KIF1B: variants seen among roughly 807,000 people sequenced by gnomAD.
The protein encoded by KIF1B is kinesin-like protein KIF1B.
KIF1B carries 76 observed loss-of-function variants against 241.9 expected under a neutral mutation model. The ratio of observed to expected loss-of-function variants is 0.31; its 90% CI spans 0.26 to 0.38. The LOEUF is 0.38. Among genes scored for constraint, KIF1B ranks in the 10% least tolerant of loss-of-function variants. The pLI, the probability that KIF1B is intolerant of heterozygous loss-of-function variation, is 1.00. For missense variants in KIF1B, 1,622 were observed against 2,271.4 expected (o/e 0.71, Z 5.81); for synonymous variants, 750 against 796.7 (o/e 0.94, Z 0.99).
chr1:10,364,020 T>A (rs974869341), intron 41 of KIF1B, among the ~76,000 whole-genome samples: 7 of 152,168 alleles, frequency 4.6e-5, no homozygotes, highest in African/African-American at 7.2e-5. Context: ...GGAATTTTTT[T>A]AATTAATATA....
chr1:10,363,222 T>C lies in KIF1B; in HGVS notation c.4305-61T>C, dbSNP rs1638471712. On this transcript the variant is annotated intron_variant, in intron 40 of 48. Transcript: ENST00000676179. Reference sequence around the variant, plus strand: ...AGACACTATTTTAAGTAGCAGAAATTGAAATTTTCCTGTTTTTGTGCTTTA... The same window carrying C: ...AGACACTATTTTAAGTAGCAGAAATCGAAATTTTCCTGTTTTTGTGCTTTA... 3.8e-5 allele frequency: 49 copies of C among 1,295,166 alleles called. No homozygotes were observed. In the South Asian group the frequency reaches 5.4e-4, roughly 14 times the overall value. The allele number at this position is 1,295,166 out of a possible 1,614,324, so 80.2% of individuals were successfully genotyped here. A position where few individuals can be genotyped will look rare whatever the true frequency, so the allele number is the denominator to read the frequency against.
chr1:10,329,662 G>T (rs528884627), intron 27 of KIF1B, among the ~76,000 whole-genome samples: 1 of 152,168 alleles, frequency 6.6e-6, no homozygotes, highest in African/African-American at 2.4e-5. Context: ...GAACCCGGGA[G>T]GGGGAGGTTG....
At chr1:10,304,974 C>T (rs1650756293) in intron 22 of KIF1B, 1 of 1,145,062 alleles carries the variant, frequency 8.7e-7, no homozygotes, top group South Asian at 3.0e-5. Context: ...TTTTATAATG[C>T]CTATAAATTA....
At chr1:10,306,061 GC>G in intron 22 of KIF1B, 1 of 1,046,066 alleles carries the variant, frequency 9.6e-7, no homozygotes, top group Non-Finnish European at 1.2e-6. Context: ...TGGGCACTAT[GC>G]TTTATTAGAA....
At chr1:10,241,176 A>G (rs1647131885) in intron 2 of KIF1B, among the ~76,000 whole-genome samples, 1 of 152,104 alleles carries the variant, frequency 6.6e-6, no homozygotes. Context: ...CAGTGGCACA[A>G]TCATGACCCA....
Position 10,276,363 on chromosome 1 carries a change from C to T in KIF1B, c.1001C>T (p.Ala334Val). The change falls in exon 12 of 49, where the codon GCG becomes GTG. Residue 334 changes from alanine (A) to valine (V), a missense_variant. Coordinates refer to ENST00000676179, the MANE Select transcript of KIF1B (RefSeq NM_001365951.3). Reference sequence around the variant, plus strand: ...GCAATGGTTGCTGCTCTGAGCCCCGCGGATATCAACTACGATGAGACTTTG... The same window carrying T: ...GCAATGGTTGCTGCTCTGAGCCCCGTGGATATCAACTACGATGAGACTTTG... ...RTAMVAALSPADINYDETLST... is the reference protein window; with the variant it reads ...RTAMVAALSPVDINYDETLST... 6.2e-7 allele frequency: 1 copy of T among 1,613,828 alleles called. No individual in the cohort carries two copies. The highest frequency in any genetic ancestry group is 8.5e-7 in the Non-Finnish European group (1 of 1,179,832).
At chr1:10,254,748 G>A (rs1461202794) in intron 2 of KIF1B, among the ~76,000 whole-genome samples, 1 of 151,696 alleles carries the variant, frequency 6.6e-6, no homozygotes, top group East Asian at 1.9e-4. Flanking sequence ...GTGGTGGCGG[G>A]CGCCTGTAGT....
At chr1:10,279,437 A>G (rs1649290758) in intron 14 of KIF1B, among the ~76,000 whole-genome samples, 1 of 152,214 alleles carries the variant, frequency 6.6e-6, no homozygotes, top group Non-Finnish European at 1.5e-5. Flanking sequence ...GATGATAGCA[A>G]CTGACACTTA....
intron 1 of KIF1B, among the ~76,000 whole-genome samples, chr1:10,230,224 T>C (rs1292676772): frequency 3.3e-5 from 5 of 152,110 alleles, no homozygotes; most frequent in Non-Finnish European, 2.9e-5. Flanking sequence ...CGGGAACACA[T>C]CGGTTATGGT....
intron 5 of KIF1B, among the ~76,000 whole-genome samples, chr1:10,266,982 A>G (rs556225658): frequency 3.5e-4 from 53 of 151,816 alleles, no homozygotes; most frequent in African/African-American, 1.3e-3. Flanking sequence ...TTTTTTCTGT[A>G]TGTGATTTCT....
At chr1:10,311,798 G>C (rs905761109) in intron 22 of KIF1B, among the ~76,000 whole-genome samples, 8 of 151,194 alleles carry the variant, frequency 5.3e-5, no homozygotes, top group Non-Finnish European at 1.2e-4. Context: ...ATTTCTATAT[G>C]TTTCTCTGTT....
intron 38 of KIF1B, among the ~76,000 whole-genome samples, chr1:10,355,088 C>T (rs1652927873): frequency 6.6e-6 from 1 of 152,150 alleles, no homozygotes; most frequent in Admixed American, 6.5e-5. Context: ...ATTCTCAATA[C>T]TAAGTCACCA....
intron 1 of KIF1B, among the ~76,000 whole-genome samples, chr1:10,218,413 A>G (rs1474821009): frequency 6.7e-6 from 1 of 149,208 alleles, no homozygotes; most frequent in Non-Finnish European, 1.5e-5. Context: ...TTCAACATAA[A>G]TCTTTGTGCA....
rs749686737 is a variant in KIF1B at position 10,368,523 on chromosome 1, C to T, written c.4809C>T (p.Ser1603=). ...FNREFSQVHG[S]VSDCKLSDIS... The stretch of plus-strand genomic sequence containing the variant: ...GAGAATTCAGCCAGGTGCACGGCAG[C>T]GTCAGTGACTGTAAGGTGAGCACAT... The change falls in exon 44 of 49, where the codon AGC becomes AGT. Residue 1603 remains serine (S), a synonymous_variant. Transcript: ENST00000676179. 2.2e-5 allele frequency: 36 copies of T among 1,613,588 alleles called. No individual in the cohort carries two copies. The highest frequency in any genetic ancestry group is 1.8e-5 in the Non-Finnish European group (21 of 1,179,638).
intron 22 of KIF1B, among the ~76,000 whole-genome samples, chr1:10,310,241 A>G (rs1651009555): frequency 1.3e-5 from 2 of 151,512 alleles, no homozygotes; most frequent in African/African-American, 2.5e-5. Flanking sequence ...AACACAGACT[A>G]TTGGGCCCAC....
At chr1:10,305,212 G>A in intron 22 of KIF1B, 1 of 1,044,588 alleles carries the variant, frequency 9.6e-7, no homozygotes, top group Non-Finnish European at 1.2e-6. Context: ...AACATATCTT[G>A]CAATACATAG....
chr1:10,338,586 T>G lies in KIF1B; in HGVS notation c.3422+1053T>G, dbSNP rs77459179. 1.3e-3 allele frequency among the ~76,000 whole-genome samples: 205 copies of G among 152,388 alleles called. 2 individuals are homozygous for G. The East Asian group carries it at 0.023, about 17-fold the overall frequency. ...GATACGTTTTATGGAAAACATCTATTTGGTTAACTGATGTCTGAAGTGACA... is the reference window on the plus strand; with the variant it reads ...GATACGTTTTATGGAAAACATCTATGTGGTTAACTGATGTCTGAAGTGACA... On this transcript the variant is annotated intron_variant, in intron 31 of 48. Transcript: ENST00000676179.
chr1:10,374,304 T>C lies in KIF1B; in HGVS notation c.4947-12T>C, dbSNP rs773989517. The C allele has an allele frequency of 2.5e-6, 4 of 1,613,100 alleles. No individual in the cohort carries two copies. The African/African-American group carries it at 5.3e-5, about 22-fold the overall frequency. On this transcript the variant is annotated splice_polypyrimidine_tract_variant and intron_variant, in intron 45 of 48. Coordinates refer to ENST00000676179, the MANE Select transcript of KIF1B (RefSeq NM_001365951.3). This position sits in a 1 kb window ranked among gnomAD's most constrained non-coding sequence, Gnocchi z 4.3. ...TTGTTACCCTTTTCTTTCTAATCTC[T>C]CTATTTTAAAGGACCCCAGAAGCCA...
At chr1:10,304,844 T>C in intron 22 of KIF1B, 5 of 1,423,002 alleles carry the variant, frequency 3.5e-6, no homozygotes, top group Non-Finnish European at 2.7e-6. Flanking sequence ...ATGGGCAGTT[T>C]CTGAAATTTT....
Sources: gnomAD v4.1 joint callset for allele counts (sites outside exome capture counted in the v4.1 genomes callset) on GRCh38, gnomAD v4.1.1 for gene constraint, Gnocchi (gnomAD v3.1) non-coding constraint, MANE v1.5 for transcripts, NCBI Gene and HGNC (gene_info 2026-07-23, HGNC 2026-07-21) for gene names.